The following DHODH variants were observed in gnomAD, a reference collection of about 807,000 sequenced individuals.
DHODH encodes the protein dihydroorotate dehydrogenase (quinone).
In DHODH, 30 loss-of-function variants were observed where a neutral mutation model predicts 39.7. That is an observed-to-expected ratio of 0.76 (90% CI 0.57 to 1.02). The LOEUF is 1.02. Among genes scored for constraint, DHODH ranks in the 50% least tolerant of loss-of-function variants. DHODH has a pLI of 0.00. For missense variants in DHODH, 531 were observed against 520.8 expected (o/e 1.02, Z -0.19); for synonymous variants, 222 against 213.8 (o/e 1.04, Z -0.34).
At chr16:72,012,352 C>A in intron 2 of DHODH, 90 bp downstream of exon 2, 1 of 1,184,664 alleles carries the variant, frequency 8.4e-7, no homozygotes. Context: ...TTTTTGAAAA[C>A]CAGAACCCCA....
rs1597399600 is a variant in DHODH, at chr16:72,025,960, A to C, written c.*1761A>C. 1 of 152,278 alleles carries C rather than the reference A, an allele frequency of 6.6e-6. No homozygotes were observed. The highest frequency in any genetic ancestry group is 1.5e-5 in the Non-Finnish European group (1 of 68,088). The allele number at this position is 152,278 out of a possible 1,614,324, so 9.4% of individuals were successfully genotyped here. On this transcript the variant is annotated 3_prime_UTR_variant, in exon 9 of 9. Coordinates refer to ENST00000219240, the MANE Select transcript of DHODH (RefSeq NM_001361.5). ...TGGGCTCGAGCCCAGCGGTGTGGTC[A>C]TAGAGCATGTTGTGCTGAATGGCTC...
Position 72,023,249 on chromosome 16 carries a change from G to C in DHODH, c.904G>C (p.Gly302Arg). ...LQGALRSETGGLSGKPLRDLS... is the reference protein window; with the variant it reads ...LQGALRSETGRLSGKPLRDLS... The stretch of plus-strand genomic sequence containing the variant: ...GGGTGCCCTGCGCTCTGAAACAGGA[G>C]GGCTGAGTGGGAAGCCCCTCCGGGA... The change falls in exon 7 of 9, where the codon GGG (glycine) becomes CGG (arginine). Residue 302 changes from glycine (G) to arginine (R), a missense_variant. Gly to Arg is a moderately radical substitution (Grantham distance 125). Coordinates refer to ENST00000219240, the MANE Select transcript of DHODH (RefSeq NM_001361.5). 1 of 1,614,228 alleles carries C rather than the reference G, an allele frequency of 6.2e-7. No homozygotes were observed. The highest frequency in any genetic ancestry group is 8.5e-7 in the Non-Finnish European group (1 of 1,180,048).
Position 72,023,611 on chromosome 16 carries a change from C to G in DHODH, c.1111C>G (p.Arg371Gly), listed in dbSNP as rs375728247. 19 of 1,613,866 alleles carry G rather than the reference C, an allele frequency of 1.2e-5. No homozygotes were observed. The highest frequency in any genetic ancestry group is 1.6e-5 in the Non-Finnish European group (19 of 1,180,030). ...GCCACCCGTTGTGGGCAAAGTCAAGCGGGAACTGGAGGCCCTTCTGAAGTG... is the reference window on the plus strand; with the variant it reads ...GCCACCCGTTGTGGGCAAAGTCAAGGGGGAACTGGAGGCCCTTCTGAAGTG... ...WGPPVVGKVKRELEALLKEQG... is the reference protein window; with the variant it reads ...WGPPVVGKVKGELEALLKEQG... Residue 371 changes from arginine to glycine, a missense_variant, in exon 8 of 9, where the codon CGG becomes GGG. Physicochemically the swap from Arg to Gly is moderately radical, Grantham distance 125. Transcript: ENST00000219240.
rs2041258179 is a variant in DHODH, at chr16:72,024,430, G to T, written c.*231G>T. 1 of 583,392 alleles carries T rather than the reference G, an allele frequency of 1.7e-6. No individual in the cohort carries two copies. The highest frequency in any genetic ancestry group is 3.1e-6 in the Non-Finnish European group (1 of 324,542). The allele number at this position is 583,392 out of a possible 1,614,324, so 36.1% of individuals were successfully genotyped here. On this transcript the variant is annotated 3_prime_UTR_variant, in exon 9 of 9. Transcript: ENST00000219240. ...GATTCTTTGTGGATTCAAACCCTAG[G>T]ATCCATCAGTCTTGCAAGGACATTG...
chr16:72,021,208 T>G lies in DHODH; in HGVS notation c.602T>G (p.Leu201Arg). ...AEDYAEGVRVLGPLADYLVVN... is the reference protein window; with the variant it reads ...AEDYAEGVRVRGPLADYLVVN... ...GACTACGCAGAAGGGGTGCGCGTAC[T>G]GGGCCCCCTGGCCGACTACCTGGTG... Residue 201 changes from leucine to arginine, a missense_variant, in exon 5 of 9, where the codon CTG becomes CGG. Physicochemically the swap from Leu to Arg is moderately radical, Grantham distance 102 (BLOSUM62 -2). Transcript: ENST00000219240. The G allele has an allele frequency of 6.2e-7, 1 of 1,611,644 alleles. No homozygotes were observed. The highest frequency in any genetic ancestry group is 8.5e-7 in the Non-Finnish European group (1 of 1,179,148).
chr16:72,023,684 T>A (rs1029424886), intron 8 of DHODH, 51 bp downstream of exon 8: 22 of 1,607,432 alleles, frequency 1.4e-5, no homozygotes, highest in Non-Finnish European at 1.9e-5. Context: ...GAGGTTCATT[T>A]AGATCACTCA....
intron 2 of DHODH, 149 bp from the exon 3 acceptor site, chr16:72,014,324 C>T: frequency 1.4e-6 from 1 of 732,462 alleles, no homozygotes; most frequent in South Asian, 1.6e-5. Context: ...CCATTCCACC[C>T]CCAAAGATTT....
At position 72,026,890 on chromosome 16, in the gene DHODH, A is replaced by C. The variant is rs936248637; in HGVS notation, c.*2691A>C. On this transcript the variant is annotated 3_prime_UTR_variant, in exon 9 of 9. Transcript: ENST00000219240. ...ACTGCAACCTCTGTCTCCCGGGTTC[A>C]AGCAATTCTTCTGCCTCAGCCTCCC... The C allele has an allele frequency of 1.3e-5, 2 of 151,434 alleles. No individual in the cohort carries two copies. Among genetic ancestry groups the C allele is most frequent in the African/African-American group, 4.9e-5 (2 of 40,656 alleles). 9.4% of individuals were successfully genotyped at this position (151,434 alleles called of 1,614,324 possible). A position where few individuals can be genotyped will look rare whatever the true frequency, so the allele number is the denominator to read the frequency against.
intron 4 of DHODH, among the ~76,000 whole-genome samples, chr16:72,018,239 T>C (rs1486052934): frequency 6.6e-6 from 1 of 152,162 alleles, no homozygotes; most frequent in Non-Finnish European, 1.5e-5. Flanking sequence ...GTAGCGACCA[T>C]TTTCTTCTTT....
intron 1 of DHODH, among the ~76,000 whole-genome samples, 183 bp from the exon 2 acceptor site, chr16:72,011,867 G>A (rs2041085002): frequency 7.1e-6 from 1 of 140,524 alleles, no homozygotes; most frequent in South Asian, 2.2e-4. Flanking sequence ...AGGGCCTGAA[G>A]AAGGTGTGTA....
rs1182434135 is a variant in DHODH at position 72,022,385 on chromosome 16, G to A, written c.729G>A (p.Leu243=). The change falls in exon 6 of 9, where the codon TTG becomes TTA. Residue 243 remains leucine (L), a synonymous_variant. Coordinates refer to ENST00000219240, the MANE Select transcript of DHODH (RefSeq NM_001361.5). The part of the protein sequence containing the change: ...LTKVLQERDG[L]RRVHRPAVLV... The stretch of plus-strand genomic sequence containing the variant: ...AGGTGCTGCAGGAGAGGGATGGCTT[G>A]CGGAGAGTGCACAGGCCGGCAGTCC... 3.2e-6 allele frequency: 5 copies of A among 1,554,864 alleles called. No individual in the cohort carries two copies. In the Admixed American group the frequency reaches 5.8e-5, roughly 18 times the overall value.
chr16:72,024,150 A>G lies in DHODH; in HGVS notation c.1139A>G (p.Gln380Arg), dbSNP rs2041254516. The change falls in exon 9 of 9, where the codon CAG becomes CGG. Residue 380 changes from glutamine (Q) to arginine (R), a missense_variant. Physicochemically the swap from Gln to Arg is conservative, Grantham distance 43. Coordinates refer to ENST00000219240, the MANE Select transcript of DHODH (RefSeq NM_001361.5). Reference protein sequence around the residue: ...KRELEALLKEQGFGGVTDAIG... With the variant: ...KRELEALLKERGFGGVTDAIG... Reference sequence around the variant, plus strand: ...TTTGTTTGCTCTTTTTCCAGAGAGCAGGGCTTTGGCGGAGTCACAGATGCC... The same window carrying G: ...TTTGTTTGCTCTTTTTCCAGAGAGCGGGGCTTTGGCGGAGTCACAGATGCC... 1 of 1,614,212 alleles carries G rather than the reference A, an allele frequency of 6.2e-7. No individual in the cohort carries two copies. Among genetic ancestry groups the G allele is most frequent in the South Asian group, 1.1e-5 (1 of 91,086 alleles).
At chr16:72,017,000 C>T (rs1354882856) in intron 3 of DHODH, 24 bp from the exon 4 acceptor site, 1 of 1,611,840 alleles carries the variant, frequency 6.2e-7, no homozygotes, top group South Asian at 1.1e-5. Flanking sequence ...CACTCTGCCC[C>T]TCCCGTGTGC....
rs1324959114 is a variant in DHODH at position 72,023,081 on chromosome 16, G to A, written c.820-84G>A. ...GGCTGTAGGTGTGGGTACCTGGCCC[G>A]GCTGCTGCCTTCGACCTCCAGAGAA... On this transcript the variant is annotated intron_variant, in intron 6 of 8. Coordinates refer to ENST00000219240, the MANE Select transcript of DHODH (RefSeq NM_001361.5). 1.1e-5 allele frequency: 16 copies of A among 1,465,578 alleles called. No homozygotes were observed. The Admixed American group carries it at 1.4e-4, about 13-fold the overall frequency. The allele number at this position is 1,465,578 out of a possible 1,614,324, so 90.8% of individuals were successfully genotyped here.
chr16:72,026,684 G>C lies in DHODH; in HGVS notation c.*2485G>C, dbSNP rs887698400. On this transcript the variant is annotated 3_prime_UTR_variant, in exon 9 of 9. Coordinates refer to ENST00000219240, the MANE Select transcript of DHODH (RefSeq NM_001361.5). ...GCAAGCCACCGCGCCTGGCTCGAGA[G>C]ACTGACATTCTGTCTCAGCACAGCT... 2.6e-5 allele frequency: 4 copies of C among 152,096 alleles called. No homozygotes were observed. Among genetic ancestry groups the C allele is most frequent in the African/African-American group, 9.7e-5 (4 of 41,374 alleles). The allele number at this position is 152,096 out of a possible 1,614,324, so 9.4% of individuals were successfully genotyped here.
chr16:72,010,730 C>G (rs779483043), intron 1 of DHODH, among the ~76,000 whole-genome samples: 1 of 152,112 alleles, frequency 6.6e-6, no homozygotes, highest in Non-Finnish European at 1.5e-5. Flanking sequence ...TGTATAATGT[C>G]TTTGTATGTA....
Position 72,026,959 on chromosome 16 carries a change from TTGTGTGTGTGTGTG to T in DHODH, c.*2798_*2811del, listed in dbSNP as rs748279124. ...GTGCCCACTACCACACCCAGCTAAT[TTGTGTGTGTGTGTG>T]TGTGTGTGTGTGTGTGTGTGTGTGT... is the stretch of plus-strand genomic sequence containing the variant. On this transcript the variant is annotated 3_prime_UTR_variant, in exon 9 of 9. Coordinates refer to ENST00000219240, the MANE Select transcript of DHODH (RefSeq NM_001361.5). The T allele has an allele frequency of 0.027, 573 of 20,966 alleles. 6 individuals carry two copies. The highest frequency in any genetic ancestry group is 0.069 in the Admixed American group (119 of 1,726). The allele number at this position is 20,966 out of a possible 1,614,324, so 1.3% of individuals were successfully genotyped here. A position where few individuals can be genotyped will look rare whatever the true frequency, so the allele number is the denominator to read the frequency against.
At position 72,012,067 on chromosome 16, in the gene DHODH, T is replaced by A; in HGVS notation, c.39T>A (p.Ala13=). 1 of 1,614,176 alleles carries A rather than the reference T, an allele frequency of 6.2e-7. No individual in the cohort carries two copies. The highest frequency in any genetic ancestry group is 8.5e-7 in the Non-Finnish European group (1 of 1,180,016). The part of the protein sequence containing the change: ...WRHLKKRAQD[A]VIILGGGGLL... ...TTTTGCAGAAGCGGGCCCAGGATGCTGTGATCATCCTGGGGGGAGGAGGAC... is the reference window on the plus strand; with the variant it reads ...TTTTGCAGAAGCGGGCCCAGGATGCAGTGATCATCCTGGGGGGAGGAGGAC... The change falls in exon 2 of 9, where the codon GCT becomes GCA. Residue 13 remains alanine, a synonymous_variant. Transcript: ENST00000219240.
At chr16:72,022,541 G>GGCCA in intron 6 of DHODH, 66 bp downstream of exon 6, 1 of 1,314,384 alleles carries the variant, frequency 7.6e-7, no homozygotes, top group Non-Finnish European at 1.1e-6. Context: ...TGGCCAGCTG[G>GGCCA]GCTAGCCCAG....
Sources: gnomAD v4.1 joint callset for allele counts (sites outside exome capture counted in the v4.1 genomes callset) on GRCh38, gnomAD v4.1.1 for gene constraint, MANE v1.5 for transcripts, NCBI Gene and HGNC (gene_info 2026-07-23, HGNC 2026-07-21) for gene names.